Variants in BUD31 observed in about 807,000 individuals in gnomAD.
BUD31 encodes protein BUD31 homolog.
BUD31 carries 9 observed loss-of-function variants against 17.9 expected under a neutral mutation model. That is an observed-to-expected ratio of 0.50 (90% CI 0.30 to 0.88). BUD31 has a LOEUF of 0.88. BUD31 is among the 40% of genes least tolerant of loss of function. The probability of loss-of-function intolerance (pLI) is 0.06; values close to 1 mark genes in which losing one functional copy is unlikely to be tolerated. For synonymous variants in BUD31, 70 were observed against 64.7 expected, an observed-to-expected ratio of 1.08 and a Z score of -0.39; for missense variants, 148 against 184.5, an observed-to-expected ratio of 0.80 and a Z score of 1.15.
intron 3 of BUD31, among the ~76,000 whole-genome samples, chr7:99,412,669 T>A (rs1795235667): frequency 6.6e-6 from 1 of 151,598 alleles, no homozygotes; most frequent in South Asian, 2.1e-4. Context: ...TGGAGTGCAG[T>A]GGCGCGATCT....
Position 99,416,274 on chromosome 7 carries a change from C to T in BUD31, c.217+14C>T. 6.2e-7 allele frequency: 1 copy of T among 1,607,190 alleles called. No individual in the cohort carries two copies. Among genetic ancestry groups the T allele is most frequent in the South Asian group, 1.1e-5 (1 of 90,820 alleles). ...CCATCAGCAGAGGTAATTAGTCAGT[C>T]TCTCTTGGACTTTGAAGCTCGCGTC... is the stretch of plus-strand genomic sequence containing the variant. On this transcript the variant is annotated intron_variant, in intron 4 of 5. Transcript: ENST00000222969.
At chr7:99,410,745 A>G (rs1795149866) in intron 2 of BUD31, among the ~76,000 whole-genome samples, 2 of 152,320 alleles carry the variant, frequency 1.3e-5, no homozygotes, top group Middle Eastern at 6.8e-3. Flanking sequence ...GACAACAGCA[A>G]ATGTCTCTTA....
At chr7:99,415,735 G>C (rs578255982) in intron 3 of BUD31, among the ~76,000 whole-genome samples, 1 of 151,062 alleles carries the variant, frequency 6.6e-6, no homozygotes, top group Non-Finnish European at 1.5e-5. Context: ...GGCCCTGTCC[G>C]GGCATAACAG....
intron 3 of BUD31, among the ~76,000 whole-genome samples, chr7:99,412,759 C>T (rs1057221982): frequency 5.9e-5 from 9 of 151,724 alleles, no homozygotes; most frequent in Non-Finnish European, 8.8e-5. Context: ...CTACAGGCGC[C>T]CGCCACCATG....
chr7:99,419,585 A>G lies in BUD31; in HGVS notation c.*144A>G. 1.1e-6 allele frequency: 1 copy of G among 929,826 alleles called. No homozygotes were observed. Among genetic ancestry groups the G allele is most frequent in the Non-Finnish European group, 1.6e-6 (1 of 615,174 alleles). 57.6% of individuals were successfully genotyped at this position (929,826 alleles called of 1,614,324 possible). On this transcript the variant is annotated 3_prime_UTR_variant, in exon 6 of 6. Transcript: ENST00000222969. ...AAGGCTTCGCTGTCTATCAGCTGTG[A>G]TTTGTAAAAATAAAATCTTTAAATC... is the stretch of plus-strand genomic sequence containing the variant.
At chr7:99,414,181 C>T (rs1438947625) in intron 3 of BUD31, among the ~76,000 whole-genome samples, 1 of 151,352 alleles carries the variant, frequency 6.6e-6, no homozygotes, top group African/African-American at 2.4e-5. Flanking sequence ...ACACTGTTGC[C>T]CACGCTGGAG....
chr7:99,411,675 G>C (rs1795190511), intron 3 of BUD31: 1 of 455,786 alleles, frequency 2.2e-6, no homozygotes, highest in Non-Finnish European at 4.4e-6. Context: ...GGCCTTATAT[G>C]ATCACAGTGT....
intron 1 of BUD31, 62 bp from the exon 2 acceptor site, chr7:99,409,972 A>G (rs1354717116): frequency 1.3e-5 from 2 of 152,110 alleles, no homozygotes; most frequent in Admixed American, 1.3e-4. Flanking sequence ...ACTTTATGTA[A>G]TATGTTGTTT....
At chr7:99,417,854 A>ATGG in intron 5 of BUD31, 1 of 1,420,830 alleles carries the variant, frequency 7.0e-7, no homozygotes, top group Non-Finnish European at 9.2e-7. Flanking sequence ...CACTTAGGAA[A>ATGG]TGGTGGTGGG....
intron 1 of BUD31, among the ~76,000 whole-genome samples, 193 bp from the exon 2 acceptor site, chr7:99,409,841 C>G (rs1795107732): frequency 6.6e-6 from 1 of 151,466 alleles, no homozygotes. Flanking sequence ...AGAGATGAAT[C>G]TGTTATGCTG....
At chr7:99,416,996 C>T in intron 4 of BUD31, 5 of 162,570 alleles carry the variant, frequency 3.1e-5, no homozygotes, top group South Asian at 1.4e-4. Context: ...TGTGAGGCAC[C>T]TTGCCTGGCC....
At chr7:99,419,333 A>G in intron 5 of BUD31, 58 bp from the exon 6 acceptor site, 1 of 1,593,842 alleles carries the variant, frequency 6.3e-7, no homozygotes, top group Non-Finnish European at 8.6e-7. Context: ...CACATATGTG[A>G]GTGTGCAGGG....
Position 99,417,551 on chromosome 7 carries a change from G to A in BUD31, c.340G>A (p.Gly114Arg), listed in dbSNP as rs778333450. Residue 114 changes from glycine to arginine, a missense_variant, in exon 5 of 6, where the codon GGG (glycine) becomes AGG (arginine). Transcript: ENST00000222969. ...RCIQTRDTNF[G>R]TNCICRVPKS... ...CATTCAGACACGGGACACCAACTTC[G>A]GGACGAACTGCATCTGCCGCGTGCC... is the stretch of plus-strand genomic sequence containing the variant. 1 of 1,612,026 alleles carries A rather than the reference G, an allele frequency of 6.2e-7. No individual in the cohort carries two copies. The highest frequency in any genetic ancestry group is 8.5e-7 in the Non-Finnish European group (1 of 1,178,676).
intron 3 of BUD31, among the ~76,000 whole-genome samples, chr7:99,412,778 A>AT (rs36101411): frequency 0.14 from 19,655 of 138,336 alleles, 1,882 homozygotes; most frequent in African/African-American, 0.28. Context: ...TGCCCAGCTA[A>AT]TTTTTTTTTT....
At position 99,419,387 on chromosome 7, in the gene BUD31, G is replaced by T; in HGVS notation, c.385-4G>T. The T allele has an allele frequency of 1.9e-6, 3 of 1,613,010 alleles. No individual in the cohort carries two copies. Among genetic ancestry groups the T allele is most frequent in the Non-Finnish European group, 8.5e-7 (1 of 1,179,998 alleles). On this transcript the variant is annotated splice_polypyrimidine_tract_variant and splice_region_variant and intron_variant, in intron 5 of 5. Coordinates refer to ENST00000222969, the MANE Select transcript of BUD31 (RefSeq NM_003910.4). ...CATCGTCTCACTGTCCTCCTCCGTT[G>T]CAGGGCCGCATCATCGAGTGCACAC...
intron 3 of BUD31, among the ~76,000 whole-genome samples, chr7:99,413,844 G>A (rs558589786): frequency 1.1e-4 from 17 of 152,260 alleles, no homozygotes; most frequent in Admixed American, 5.2e-4. Flanking sequence ...CACCCACCTC[G>A]GCCTCCAAAA....
intron 5 of BUD31, chr7:99,417,932 T>G: frequency 7.9e-7 from 1 of 1,268,618 alleles, no homozygotes; most frequent in Non-Finnish European, 1.0e-6. Flanking sequence ...CCTGTCCCTT[T>G]CAGTCCTCAC....
At chr7:99,419,349 C>G in intron 5 of BUD31, 42 bp from the exon 6 acceptor site, 1 of 1,608,534 alleles carries the variant, frequency 6.2e-7, no homozygotes, top group Non-Finnish European at 8.5e-7. Flanking sequence ...CAGGGGCGAG[C>G]GTGGCGCAGT....
chr7:99,412,398 C>T (rs1057456013), intron 3 of BUD31, among the ~76,000 whole-genome samples: 6 of 152,164 alleles, frequency 3.9e-5, no homozygotes, highest in African/African-American at 1.4e-4. Flanking sequence ...ATATTCTTTA[C>T]CTCCAGACAG....
Sources: allele counts gnomAD v4.1 joint callset (sites outside exome capture counted in the v4.1 genomes callset), GRCh38; gene constraint gnomAD v4.1.1; transcripts MANE v1.5; gene names NCBI Gene and HGNC (gene_info 2026-07-23, HGNC 2026-07-21).